Variants in MPP1 observed in about 807,000 individuals in gnomAD.
MPP1 encodes MAGUK p55 scaffold protein 1.
MPP1 carries 6 observed loss-of-function variants against 38.2 expected under a neutral mutation model. The ratio of observed to expected loss-of-function variants is 0.16; its 90% CI spans 0.09 to 0.31. The LOEUF is 0.31. Among genes scored for constraint, MPP1 ranks in the 10% least tolerant of loss-of-function variants. MPP1 has a pLI of 1.00. For synonymous variants in MPP1, 153 were observed against 146.3 expected, an observed-to-expected ratio of 1.05 and a Z score of -0.33; for missense variants, 293 against 368.9, an observed-to-expected ratio of 0.79 and a Z score of 1.69.
intron 5 of MPP1, among the ~76,000 whole-genome samples, chrX:154,786,852 T>C (rs781971199): frequency 7.7e-4 from 65 of 84,501 alleles, no homozygotes; most frequent in Middle Eastern, 0.01. Context: ...GCCGAGATTG[T>C]GCCACTGCAC....
intron 4 of MPP1, 148 bp from the exon 5 acceptor site, chrX:154,790,170 A>G (rs2072124628): frequency 4.7e-6 from 2 of 423,006 alleles, no homozygotes; most frequent in Non-Finnish European, 8.2e-6. Context: ...CAAAAGTGTC[A>G]TGTGCCCCAT....
chrX:154,791,538 A>T (rs968089130), intron 3 of MPP1: 1 of 371,823 alleles, frequency 2.7e-6, no homozygotes, highest in Non-Finnish European at 4.7e-6. Context: ...TGGTATAAAT[A>T]GGTGTGAAAG....
rs978564462 is a variant in MPP1, at chrX:154,779,086, A to G, written c.*91T>C. ...GAGAGCTGGAAGCTGACACAAAACT[A>G]GTTGGAGCAGCCCTGTTTGTCTTAA... is the stretch of plus-strand genomic sequence containing the variant. On this transcript the variant is annotated 3_prime_UTR_variant, in exon 12 of 12. Transcript: ENST00000369534. 3.4e-6 allele frequency: 3 copies of G among 870,134 alleles called. No individual in the cohort carries two copies. Among genetic ancestry groups the G allele is most frequent in the Non-Finnish European group, 4.8e-6 (3 of 620,799 alleles). 71.7% of individuals were successfully genotyped at this position (870,134 alleles called of 1,213,427 possible).
Position 154,779,123 on chromosome X carries a change from T to G in MPP1, c.*54A>C. ...CCTGTTTGTCTTAAAGCAAGGCGGG[T>G]GGAATTCCAAATGCTGGAGAGGGGC... On this transcript the variant is annotated 3_prime_UTR_variant, in exon 12 of 12. Coordinates refer to ENST00000369534, the MANE Select transcript of MPP1 (RefSeq NM_002436.4). The G allele has an allele frequency of 1.8e-6, 2 of 1,126,091 alleles. No homozygotes were observed. Among genetic ancestry groups the G allele is most frequent in the Non-Finnish European group, 2.4e-6 (2 of 836,763 alleles). 92.8% of individuals were successfully genotyped at this position (1,126,091 alleles called of 1,213,427 possible).
intron 9 of MPP1, 192 bp from the exon 10 acceptor site, chrX:154,781,994 A>G: frequency 2.7e-6 from 1 of 364,645 alleles, no homozygotes; most frequent in Non-Finnish European, 4.7e-6. Context: ...CCATCTGCCC[A>G]GGACACATTT....
intron 1 of MPP1, among the ~76,000 whole-genome samples, chrX:154,792,800 C>T (rs1487700391): frequency 1.8e-5 from 2 of 111,022 alleles, no homozygotes; most frequent in Non-Finnish European, 3.8e-5. Context: ...TCTCATGAAT[C>T]ACCCCTTAGG....
At chrX:154,786,755 G>T (rs981465515) in intron 5 of MPP1, among the ~76,000 whole-genome samples, 2 of 108,972 alleles carry the variant, frequency 1.8e-5, no homozygotes, top group Non-Finnish European at 3.8e-5. Flanking sequence ...AATTAGCTGG[G>T]TGTGGTGGCG....
chrX:154,792,464 A>C, intron 1 of MPP1, 179 bp from the exon 2 acceptor site: 1 of 501,326 alleles, frequency 2.0e-6, no homozygotes, highest in Non-Finnish European at 3.1e-6. Flanking sequence ...CTTAATAGAC[A>C]TGTCAGCCAA....
At chrX:154,794,257 C>G (rs1336314400) in intron 1 of MPP1, among the ~76,000 whole-genome samples, 1 of 111,505 alleles carries the variant, frequency 9.0e-6, no homozygotes, top group Non-Finnish European at 1.9e-5. Flanking sequence ...TACACCACTC[C>G]ATGGTAGATC....
chrX:154,790,530 C>CA lies in MPP1; in HGVS notation c.411+452dup, dbSNP rs782132001. 4.2e-3 allele frequency among the ~76,000 whole-genome samples: 200 copies of CA among 48,128 alleles called. 1 individual carries two copies. The highest frequency in any genetic ancestry group is 5.3e-3 in the African/African-American group (68 of 12,770). 41.8% of individuals were successfully genotyped at this position (48,128 alleles called of 115,157 possible). On this transcript the variant is annotated intron_variant, in intron 4 of 11. Transcript: ENST00000369534. ...TGGGTGACAGAGCGAAACTCCATCTCAAAAAAAAAAAAAAAAGACTTTTCT... is the reference window on the plus strand; with the variant it reads ...TGGGTGACAGAGCGAAACTCCATCTCAAAAAAAAAAAAAAAAAGACTTTTCT...
chrX:154,784,474 T>A (rs1457708179), intron 7 of MPP1, among the ~76,000 whole-genome samples: 1 of 110,515 alleles, frequency 9.0e-6, no homozygotes, highest in Non-Finnish European at 1.9e-5. Context: ...ATGTCCCTTA[T>A]CTTAGAAGAT....
intron 1 of MPP1, among the ~76,000 whole-genome samples, chrX:154,798,417 A>C (rs1557268325): frequency 8.9e-6 from 1 of 112,709 alleles, no homozygotes; most frequent in Admixed American, 9.3e-5. Context: ...ACCATGGAAC[A>C]CTTCTCAGCA....
intron 10 of MPP1, 72 bp from the exon 11 acceptor site, chrX:154,781,385 CAT>C: frequency 1.1e-6 from 1 of 874,174 alleles, no homozygotes; most frequent in Non-Finnish European, 1.6e-6. Context: ...AAAAAACCTA[CAT>C]AGCTGTCATA....
intron 1 of MPP1, among the ~76,000 whole-genome samples, chrX:154,798,897 G>C (rs1359363826): frequency 9.1e-6 from 1 of 110,461 alleles, no homozygotes; most frequent in Non-Finnish European, 1.9e-5. Flanking sequence ...ACCACGCCCG[G>C]CTAATTTTGT....
intron 1 of MPP1, chrX:154,799,752 T>TCAC (rs1193957398): frequency 1.4e-5 from 16 of 1,161,050 alleles, no homozygotes; most frequent in African/African-American, 1.8e-5. Flanking sequence ...CACCCAGGAC[T>TCAC]CCATGTCTGG....
rs190606288 is a variant in MPP1, at chrX:154,781,535, G to C, written c.1149+65C>G. On this transcript the variant is annotated intron_variant, in intron 10 of 11. Coordinates refer to ENST00000369534, the MANE Select transcript of MPP1 (RefSeq NM_002436.4). Reference sequence around the variant, plus strand: ...TGAGCCCCCAGAAGATTCCCAAGGAGCACTGTCTTCGCCATCCCTTGTGTG... The same window carrying C: ...TGAGCCCCCAGAAGATTCCCAAGGACCACTGTCTTCGCCATCCCTTGTGTG... 89 of 1,106,919 alleles carry C rather than the reference G, an allele frequency of 8.0e-5. No homozygotes were observed. In the African/African-American group the frequency reaches 1.3e-3, roughly 17 times the overall value. The allele number at this position is 1,106,919 out of a possible 1,213,427, so 91.2% of individuals were successfully genotyped here.
At chrX:154,801,758 C>CAAAA (rs781902044) in intron 1 of MPP1, among the ~76,000 whole-genome samples, 1,632 of 6,837 alleles carry the variant, frequency 0.24, 620 homozygotes, top group Middle Eastern at 0.5. Context: ...AACTCTGTCT[C>CAAAA]AAAAAAAAAA....
rs781911818 is a variant in MPP1, at chrX:154,783,893, C to A, written c.865+135G>T. On this transcript the variant is annotated intron_variant, in intron 8 of 11. Transcript: ENST00000369534. ...GGTGCACGTGAGGATTCAGAAAATTCCTTACACCTGCTCTATATGGAGAAC... is the reference window on the plus strand; with the variant it reads ...GGTGCACGTGAGGATTCAGAAAATTACTTACACCTGCTCTATATGGAGAAC... 9.9e-4 allele frequency: 522 copies of A among 528,236 alleles called. 7 individuals are homozygous for A. The African/African-American group carries it at 0.011, about 11-fold the overall frequency. The allele number at this position is 528,236 out of a possible 1,213,427, so 43.5% of individuals were successfully genotyped here.
chrX:154,795,869 G>GAAGGA (rs1557268115), intron 1 of MPP1, among the ~76,000 whole-genome samples: 1 of 112,224 alleles, frequency 8.9e-6, no homozygotes, highest in African/African-American at 3.2e-5. Context: ...GATGGGGTGA[G>GAAGGA]AAGGAAATTG....
Sources: gnomAD v4.1 joint callset for allele counts (sites outside exome capture counted in the v4.1 genomes callset) on GRCh38, gnomAD v4.1.1 for gene constraint, MANE v1.5 for transcripts, NCBI Gene and HGNC (gene_info 2026-07-23, HGNC 2026-07-21) for gene names.